TENM4: variants seen among roughly 807,000 people sequenced by gnomAD.
TENM4 encodes the protein teneurin-4.
In TENM4, 82 loss-of-function variants were observed where a neutral mutation model predicts 243.3. That is an observed-to-expected ratio of 0.34 (90% CI 0.28 to 0.40). The LOEUF (loss-of-function observed/expected upper bound fraction) is 0.40. Among genes scored for constraint, TENM4 ranks in the 10% least tolerant of loss-of-function variants. The probability of loss-of-function intolerance (pLI) is 1.00; values close to 1 mark genes in which losing one functional copy is unlikely to be tolerated. For synonymous variants in TENM4, 1,412 were observed against 1,456.3 expected, an observed-to-expected ratio of 0.97 and a Z score of 0.69; for missense variants, 3,138 against 3,673.3, an observed-to-expected ratio of 0.85 and a Z score of 3.77.
At chr11:79,218,234 A>ACC (rs1555029524) in intron 2 of TENM4, among the ~76,000 whole-genome samples, 1,728 of 96,390 alleles carry the variant, frequency 0.018, 45 homozygotes, top group African/African-American at 0.064. Flanking sequence ...CCCCCTGCCC[A>ACC]CCCACCCCCG....
intron 6 of TENM4, among the ~76,000 whole-genome samples, chr11:79,013,111 G>A (rs1344489032): frequency 6.6e-6 from 1 of 152,188 alleles, no homozygotes; most frequent in Non-Finnish European, 1.5e-5. Context: ...TATACTCAAT[G>A]TGGCTGATAT....
At chr11:79,348,115 T>C (rs946669285) in intron 1 of TENM4, among the ~76,000 whole-genome samples, 1 of 152,208 alleles carries the variant, frequency 6.6e-6, no homozygotes, top group Non-Finnish European at 1.5e-5. Context: ...AGGGGCCCCA[T>C]TTCCCAGGAT....
At chr11:78,793,983 C>T (rs1014437763) in intron 15 of TENM4, among the ~76,000 whole-genome samples, 1 of 152,202 alleles carries the variant, frequency 6.6e-6, no homozygotes, top group African/African-American at 2.4e-5. Context: ...TTTCCTTCCT[C>T]ACCTCAACCC....
intron 9 of TENM4, among the ~76,000 whole-genome samples, chr11:78,871,743 T>A (rs1390654122): frequency 6.6e-6 from 1 of 152,138 alleles, no homozygotes; most frequent in Non-Finnish European, 1.5e-5. Context: ...GTAAGGGGAA[T>A]GAACCCACAG....
At chr11:79,281,955 G>A (rs1440100981) in intron 2 of TENM4, among the ~76,000 whole-genome samples, 1 of 152,182 alleles carries the variant, frequency 6.6e-6, no homozygotes, top group Non-Finnish European at 1.5e-5. Flanking sequence ...TGCTGGTTCT[G>A]CTTGGGCCTG....
chr11:79,279,087 G>A (rs984864094), intron 2 of TENM4, among the ~76,000 whole-genome samples: 1 of 152,172 alleles, frequency 6.6e-6, no homozygotes, highest in Non-Finnish European at 1.5e-5. Context: ...CAGACAAACA[G>A]GCACACACTG....
intron 2 of TENM4, among the ~76,000 whole-genome samples, chr11:79,275,580 T>C (rs1856042203): frequency 2.6e-5 from 4 of 152,024 alleles, no homozygotes; most frequent in South Asian, 2.1e-4. Flanking sequence ...TTGTCTCCAC[T>C]CCCCAGGCCT....
At chr11:79,101,772 A>G (rs1861238453) in intron 4 of TENM4, among the ~76,000 whole-genome samples, 1 of 152,226 alleles carries the variant, frequency 6.6e-6, no homozygotes, top group African/African-American at 2.4e-5. Flanking sequence ...TGAAAATGAC[A>G]TAAAGTGCCC....
intron 6 of TENM4, among the ~76,000 whole-genome samples, chr11:78,942,774 C>A (rs1047373000): frequency 1.3e-5 from 2 of 151,602 alleles, no homozygotes; most frequent in Admixed American, 6.6e-5. Context: ...TCCCTCTCCC[C>A]CTCCTACGTA....
At chr11:79,157,914 T>A (rs1565227969) in intron 3 of TENM4, among the ~76,000 whole-genome samples, 1 of 152,230 alleles carries the variant, frequency 6.6e-6, no homozygotes. Flanking sequence ...GTGGCTGAAC[T>A]TCCTGACCAG....
At chr11:79,235,066 C>T (rs1267264617) in intron 2 of TENM4, among the ~76,000 whole-genome samples, 1 of 152,188 alleles carries the variant, frequency 6.6e-6, no homozygotes, top group East Asian at 1.9e-4. Flanking sequence ...GCAATCCCAG[C>T]ACTTTGGGAG....
chr11:79,111,543 T>TCAACAACAA lies in TENM4; in HGVS notation c.-66+37158_-66+37166dup. Among the ~76,000 whole-genome samples, 4 of 151,990 alleles carry TCAACAACAA rather than the reference T, an allele frequency of 2.6e-5. No individual in the cohort carries two copies. The South Asian group carries it at 8.3e-4, about 32-fold the overall frequency. On this transcript the variant is annotated intron_variant, in intron 4 of 33. Transcript: ENST00000278550. ...CTGGGCAACAGAGCTAGACTCTGTC[T>TCAACAACAA]CAACAACAACAACAACAACAACGAC...
At chr11:79,327,497 T>A (rs1302888062) in intron 1 of TENM4, among the ~76,000 whole-genome samples, 1 of 152,176 alleles carries the variant, frequency 6.6e-6, no homozygotes, top group Non-Finnish European at 1.5e-5. Flanking sequence ...TGAATTTAAG[T>A]CAATCTTAAA....
At chr11:78,786,622 C>T (rs1028826483) in intron 16 of TENM4, among the ~76,000 whole-genome samples, 7 of 152,208 alleles carry the variant, frequency 4.6e-5, no homozygotes, top group Non-Finnish European at 7.3e-5. Flanking sequence ...AGATCCATAC[C>T]GCATGTAGCC....
At chr11:79,345,768 T>C (rs1857315535) in intron 1 of TENM4, among the ~76,000 whole-genome samples, 1 of 152,182 alleles carries the variant, frequency 6.6e-6, no homozygotes, top group Non-Finnish European at 1.5e-5. Context: ...AATTATCTGT[T>C]ATTATACCTT....
At chr11:79,337,022 A>T (rs575697638) in intron 1 of TENM4, among the ~76,000 whole-genome samples, 1 of 152,348 alleles carries the variant, frequency 6.6e-6, no homozygotes, top group East Asian at 1.9e-4. Flanking sequence ...GCAATAGCCG[A>T]GGGGACAAGG....
chr11:79,431,755 C>T (rs1373477512), intron 1 of TENM4, among the ~76,000 whole-genome samples: 1 of 152,124 alleles, frequency 6.6e-6, no homozygotes, highest in Non-Finnish European at 1.5e-5. Context: ...CAGTACGTGG[C>T]ATACCCAGGA....
intron 1 of TENM4, among the ~76,000 whole-genome samples, chr11:79,411,796 G>A (rs1858706820): frequency 6.6e-6 from 1 of 152,168 alleles, no homozygotes. Flanking sequence ...GAGTGGATGG[G>A]ATGTTTCACT....
At chr11:79,273,328 G>C (rs1195597104) in intron 2 of TENM4, among the ~76,000 whole-genome samples, 1 of 152,204 alleles carries the variant, frequency 6.6e-6, no homozygotes, top group East Asian at 1.9e-4. Context: ...AATGACATTT[G>C]ATAAGTGATT....
Sources: gnomAD v4.1 joint callset for allele counts (sites outside exome capture counted in the v4.1 genomes callset) on GRCh38, gnomAD v4.1.1 for gene constraint, MANE v1.5 for transcripts, NCBI Gene and HGNC (gene_info 2026-07-23, HGNC 2026-07-21) for gene names.